The following KIF21A variants were observed in gnomAD, a reference collection of about 807,000 sequenced individuals.
KIF21A encodes kinesin-like protein KIF21A.
KIF21A carries 114 observed loss-of-function variants against 202.9 expected under a neutral mutation model. That is an observed-to-expected ratio of 0.56 (90% CI 0.48 to 0.66). The LOEUF is 0.66. Ranked by LOEUF, KIF21A falls within the 30% of genes least tolerant of loss-of-function variation. KIF21A has a pLI of 0.00. For missense variants in KIF21A, 1,677 were observed against 1,994.9 expected (o/e 0.84, Z 3.04); for synonymous variants, 667 against 670.8 (o/e 0.99, Z 0.09).
At position 39,329,892 on chromosome 12, in the gene KIF21A, G is replaced by A. The variant is rs575326292; in HGVS notation, c.3340+350C>T. On this transcript the variant is annotated intron_variant, in intron 24 of 37. Coordinates refer to ENST00000361418, the MANE Select transcript of KIF21A (RefSeq NM_001173464.2). ...TATGAGGTTAAAACCATAGATGTACGTTAATAGATATATTTAAAAATTTTA... is the reference window on the plus strand; with the variant it reads ...TATGAGGTTAAAACCATAGATGTACATTAATAGATATATTTAAAAATTTTA... Among the ~76,000 whole-genome samples the A allele has an allele frequency of 9.9e-5, 15 of 152,030 alleles. No individual in the cohort carries two copies. In the East Asian group the frequency reaches 1.4e-3, roughly 14 times the overall value.
chr12:39,322,560 A>T, intron 27 of KIF21A, 108 bp downstream of exon 27: 1 of 830,416 alleles, frequency 1.2e-6, no homozygotes, highest in Non-Finnish European at 1.9e-6. Flanking sequence ...AAAACCAGAG[A>T]TCAAATTTAT....
chr12:39,376,157 T>C (rs1191153760), intron 1 of KIF21A, among the ~76,000 whole-genome samples: 3 of 152,270 alleles, frequency 2.0e-5, no homozygotes, highest in South Asian at 2.1e-4. Context: ...ACGTCATCAA[T>C]AGAAGTGTAA....
At chr12:39,412,294 C>T (rs1953164298) in intron 1 of KIF21A, among the ~76,000 whole-genome samples, 1 of 152,114 alleles carries the variant, frequency 6.6e-6, no homozygotes, top group African/African-American at 2.4e-5. Context: ...TGCCTGTTGC[C>T]TAGACATTAT....
rs1945905355 is a variant in KIF21A, at chr12:39,326,320, A to G, written c.3345T>C (p.Asn1115=). ...LQDLDSVPLE[N]VEDSTDEDAP... ...CATCCTCATCAGTACTATCCTCTAC[A>G]TTTTCTACAAAAAAATGTTTAAAAT... The change falls in exon 25 of 38, where the codon AAT becomes AAC. Residue 1115 remains asparagine (N), a synonymous_variant. Transcript: ENST00000361418. The G allele has an allele frequency of 3.1e-6, 5 of 1,610,154 alleles. No individual in the cohort carries two copies. Among genetic ancestry groups the G allele is most frequent in the Non-Finnish European group, 1.7e-6 (2 of 1,176,854 alleles).
chr12:39,431,831 G>A (rs1303392738), intron 1 of KIF21A, among the ~76,000 whole-genome samples: 1 of 152,184 alleles, frequency 6.6e-6, no homozygotes, highest in Admixed American at 6.5e-5. Context: ...ATATTATCAA[G>A]GACAGATGGA....
At chr12:39,367,810 G>T in intron 4 of KIF21A, 73 bp downstream of exon 4, 1 of 1,154,632 alleles carries the variant, frequency 8.7e-7, no homozygotes, top group Non-Finnish European at 1.3e-6. Flanking sequence ...TTGATCTTAA[G>T]CAGATTATCA....
chr12:39,322,104 C>A (rs1945332144), intron 27 of KIF21A: 1 of 152,174 alleles, frequency 6.6e-6, no homozygotes, highest in African/African-American at 2.4e-5. Context: ...TCCTTCAAAT[C>A]TTTAATAATA....
intron 1 of KIF21A, among the ~76,000 whole-genome samples, chr12:39,410,405 C>T (rs1351227140): frequency 1.3e-5 from 2 of 152,136 alleles, no homozygotes; most frequent in African/African-American, 2.4e-5. Context: ...AGTTTATCTC[C>T]ACCTAATAAT....
At chr12:39,425,018 T>C (rs774046881) in intron 1 of KIF21A, among the ~76,000 whole-genome samples, 2 of 152,178 alleles carry the variant, frequency 1.3e-5, no homozygotes, top group Non-Finnish European at 2.9e-5. Context: ...CTATTTTCTA[T>C]ATCTGGCTAT....
In KIF21A at chr12:39,405,913, A is replaced by T. The variant is rs567466733; in HGVS notation, c.45-35652T>A. On this transcript the variant is annotated intron_variant, in intron 1 of 37. Coordinates refer to ENST00000361418, the MANE Select transcript of KIF21A (RefSeq NM_001173464.2). ...ACAAAATAGTAACAAGACAGTTACA[A>T]ACCCATCATTATATGTGTGACTAAC... Among the ~76,000 whole-genome samples the T allele has an allele frequency of 2.0e-5, 3 of 152,350 alleles. No individual in the cohort carries two copies. The East Asian group carries it at 5.8e-4, about 29-fold the overall frequency.
chr12:39,436,056 A>G (rs1938637031), intron 1 of KIF21A, among the ~76,000 whole-genome samples: 1 of 152,110 alleles, frequency 6.6e-6, no homozygotes, highest in African/African-American at 2.4e-5. Context: ...TGTTAGAATC[A>G]CTGATCAAGT....
chr12:39,344,000 G>C (rs915922215), intron 12 of KIF21A, among the ~76,000 whole-genome samples: 1 of 152,160 alleles, frequency 6.6e-6, no homozygotes, highest in African/African-American at 2.4e-5. Context: ...TACGGAGAGA[G>C]AAGAAAGTAC....
chr12:39,439,130 A>G (rs1939222784), intron 1 of KIF21A, among the ~76,000 whole-genome samples: 1 of 152,190 alleles, frequency 6.6e-6, no homozygotes, highest in Non-Finnish European at 1.5e-5. Context: ...TTACATGTAT[A>G]TATATACTTG....
intron 22 of KIF21A, 82 bp from the exon 23 acceptor site, chr12:39,330,993 A>G (rs1457133677): frequency 7.0e-7 from 1 of 1,419,812 alleles, no homozygotes; most frequent in Non-Finnish European, 9.9e-7. Context: ...GCAAATGAAT[A>G]TGATATATGG....
intron 1 of KIF21A, among the ~76,000 whole-genome samples, chr12:39,426,082 CA>C (rs1954721779): frequency 6.6e-6 from 1 of 151,760 alleles, no homozygotes; most frequent in African/African-American, 2.4e-5. Context: ...TCTACCAAGA[CA>C]AAACTGGCTG....
intron 1 of KIF21A, among the ~76,000 whole-genome samples, chr12:39,390,792 A>T (rs775601015): frequency 1.5e-4 from 23 of 152,222 alleles, no homozygotes; most frequent in Non-Finnish European, 2.6e-4. Flanking sequence ...CCTACCATAT[A>T]TGCCAGTCAT....
intron 1 of KIF21A, among the ~76,000 whole-genome samples, chr12:39,417,386 AC>A (rs1181963951): frequency 2.0e-5 from 3 of 152,184 alleles, no homozygotes; most frequent in African/African-American, 7.2e-5. Context: ...TATCAATGAT[AC>A]TGACAATTAT....
intron 1 of KIF21A, among the ~76,000 whole-genome samples, chr12:39,398,952 G>A (rs146852505): frequency 3.3e-5 from 5 of 152,062 alleles, no homozygotes; most frequent in African/African-American, 7.2e-5. Flanking sequence ...GTCTGAGAGC[G>A]GTGACTCATG....
chr12:39,306,961 G>GAA (rs1943530423), intron 34 of KIF21A, among the ~76,000 whole-genome samples: 1 of 151,984 alleles, frequency 6.6e-6, no homozygotes, highest in Non-Finnish European at 1.5e-5. Context: ...TTAAGAACTA[G>GAA]AAAACAAGCT....
Sources: allele counts gnomAD v4.1 joint callset (sites outside exome capture counted in the v4.1 genomes callset), GRCh38; gene constraint gnomAD v4.1.1; transcripts MANE v1.5; gene names NCBI Gene and HGNC (gene_info 2026-07-23, HGNC 2026-07-21).